PTPRN2: variants seen among roughly 807,000 people sequenced by gnomAD.
PTPRN2 encodes the protein receptor-type tyrosine-protein phosphatase N2.
A neutral mutation model predicts 118.8 loss-of-function variants in PTPRN2; 74 were observed. The observed-to-expected ratio is 0.62, with a 90% CI of 0.52 to 0.76. The LOEUF (loss-of-function observed/expected upper bound fraction) is 0.76. Among genes scored for constraint, PTPRN2 ranks in the 30% least tolerant of loss-of-function variants. PTPRN2 has a pLI of 0.00. For missense variants in PTPRN2, 1,481 were observed against 1,394.4 expected (o/e 1.06, Z -0.99); for synonymous variants, 641 against 608.0 (o/e 1.05, Z -0.80).
intron 17 of PTPRN2, among the ~76,000 whole-genome samples, chr7:157,579,244 A>C (rs536801627): frequency 3.3e-5 from 5 of 152,230 alleles, no homozygotes; most frequent in Non-Finnish European, 7.3e-5. Context: ...ACTGTGTAAC[A>C]TTTACATCGG....
At chr7:158,284,116 C>G (rs1799613932) in intron 3 of PTPRN2, among the ~76,000 whole-genome samples, 2 of 152,262 alleles carry the variant, frequency 1.3e-5, no homozygotes. Flanking sequence ...CGCGTTTACA[C>G]ACACACTTGT....
At chr7:157,957,110 G>T (rs1390584795) in intron 11 of PTPRN2, among the ~76,000 whole-genome samples, 2 of 152,202 alleles carry the variant, frequency 1.3e-5, no homozygotes, top group Non-Finnish European at 2.9e-5. Context: ...AGGTTCAGAA[G>T]GGTTAATAAA....
intron 2 of PTPRN2, among the ~76,000 whole-genome samples, chr7:158,437,277 A>T (rs1166559639): frequency 6.6e-6 from 1 of 152,190 alleles, no homozygotes; most frequent in Non-Finnish European, 1.5e-5. Flanking sequence ...TAGAATTTCC[A>T]TTTGATTACT....
At chr7:158,189,215 T>C (rs1029541256) in intron 5 of PTPRN2, among the ~76,000 whole-genome samples, 4 of 152,258 alleles carry the variant, frequency 2.6e-5, no homozygotes, top group African/African-American at 7.2e-5. Context: ...GTCTGGCTGC[T>C]GAGGGCAGGG....
intron 2 of PTPRN2, among the ~76,000 whole-genome samples, chr7:158,384,078 C>T (rs769116077): frequency 6.6e-6 from 1 of 152,162 alleles, no homozygotes; most frequent in Non-Finnish European, 1.5e-5. Context: ...TGTCTCATCG[C>T]TGGTCATCCA....
At chr7:157,559,345 C>G (rs931254205) in intron 21 of PTPRN2, among the ~76,000 whole-genome samples, 2 of 152,162 alleles carry the variant, frequency 1.3e-5, no homozygotes, top group Non-Finnish European at 2.9e-5. Flanking sequence ...CTGGGAGGTG[C>G]CTCCAGGACA....
intron 9 of PTPRN2, among the ~76,000 whole-genome samples, chr7:158,127,668 C>T (rs1817810018): frequency 1.3e-5 from 2 of 152,176 alleles, no homozygotes; most frequent in African/African-American, 4.8e-5. Flanking sequence ...CAGAATACAT[C>T]CCAATCCAGT....
In PTPRN2 at chr7:158,509,948, C is replaced by T. The variant is rs564555748; in HGVS notation, c.113-20163G>A. Among the ~76,000 whole-genome samples, 4 of 152,218 alleles carry T rather than the reference C, an allele frequency of 2.6e-5. No homozygotes were observed. Among genetic ancestry groups the T allele is most frequent in the South Asian group, 2.1e-4 (1 of 4,816 alleles). Reference sequence around the variant, plus strand: ...TTGAGGCCAGGCTATGAGGGGAGCACGAAGATAGAGGACGAGACACAAGTC... The same window carrying T: ...TTGAGGCCAGGCTATGAGGGGAGCATGAAGATAGAGGACGAGACACAAGTC... On this transcript the variant is annotated intron_variant, in intron 1 of 22. Coordinates refer to ENST00000389418, the MANE Select transcript of PTPRN2 (RefSeq NM_002847.5). This position sits in a 1 kb window ranked among gnomAD's most constrained non-coding sequence, Gnocchi z 4.4.
In PTPRN2 at chr7:157,964,096, G is replaced by A. The variant is rs969644026; in HGVS notation, c.1724-65359C>T. ...TCTTCATCTGTAAGAGGCTGTTGAGGGCACGACCACCTCGCAGTGACCTCC... is the reference window on the plus strand; with the variant it reads ...TCTTCATCTGTAAGAGGCTGTTGAGAGCACGACCACCTCGCAGTGACCTCC... On this transcript the variant is annotated intron_variant, in intron 11 of 22. Transcript: ENST00000389418. The surrounding 1 kb of genome is among the most constrained non-coding windows in gnomAD (Gnocchi z 9.0). Among the ~76,000 whole-genome samples the A allele has an allele frequency of 1.3e-5, 2 of 152,074 alleles. No individual in the cohort carries two copies. Among genetic ancestry groups the A allele is most frequent in the African/African-American group, 4.8e-5 (2 of 41,400 alleles).
At chr7:158,557,571 G>T (rs1310694466) in intron 1 of PTPRN2, among the ~76,000 whole-genome samples, 1 of 152,230 alleles carries the variant, frequency 6.6e-6, no homozygotes, top group East Asian at 1.9e-4. Context: ...GGCTGTGCTC[G>T]GGTGTGTTTC....
intron 11 of PTPRN2, among the ~76,000 whole-genome samples, chr7:157,899,484 C>T (rs901814514): frequency 7.2e-5 from 11 of 152,172 alleles, no homozygotes; most frequent in African/African-American, 2.4e-4. Flanking sequence ...TGGAAATATG[C>T]GTTTGCATAA....
intron 2 of PTPRN2, among the ~76,000 whole-genome samples, chr7:158,397,373 C>A (rs10226959): frequency 6.6e-6 from 1 of 152,120 alleles, no homozygotes; most frequent in Non-Finnish European, 1.5e-5. Flanking sequence ...GCCCTCCCAG[C>A]GGCAGGACCC....
intron 14 of PTPRN2, among the ~76,000 whole-genome samples, chr7:157,630,891 G>A (rs1314227188): frequency 2.0e-5 from 3 of 152,174 alleles, no homozygotes; most frequent in Non-Finnish European, 4.4e-5. Flanking sequence ...ATTCCCACAC[G>A]TATCTGCAGT....
At chr7:158,324,687 G>A (rs1803339007) in intron 2 of PTPRN2, among the ~76,000 whole-genome samples, 1 of 112,810 alleles carries the variant, frequency 8.9e-6, no homozygotes, top group South Asian at 3.4e-4. Context: ...GTTCTTCAGA[G>A]TAAGGGTGGG....
rs919833030 is a variant in PTPRN2 at position 157,808,471 on chromosome 7, G to C, written c.1788+90202C>G. ...TTCTCATAGGAGCTTGAGCCCTGTT[G>C]TGAACTGTGCATGTGAGGGATCCAG... On this transcript the variant is annotated intron_variant, in intron 12 of 22. Transcript: ENST00000389418. This position sits in a 1 kb window ranked among gnomAD's most constrained non-coding sequence, Gnocchi z 5.0. Among the ~76,000 whole-genome samples the C allele has an allele frequency of 6.6e-6, 1 of 152,240 alleles. No individual in the cohort carries two copies. The highest frequency in any genetic ancestry group is 2.4e-5 in the African/African-American group (1 of 41,532).
At chr7:157,817,491 C>T (rs532792683) in intron 12 of PTPRN2, among the ~76,000 whole-genome samples, 17 of 152,300 alleles carry the variant, frequency 1.1e-4, no homozygotes, top group Admixed American at 2.6e-4. Flanking sequence ...CACCCCAGAG[C>T]CACCATCACG....
At chr7:157,572,329 A>G (rs907798167) in intron 19 of PTPRN2, among the ~76,000 whole-genome samples, 1 of 152,228 alleles carries the variant, frequency 6.6e-6, no homozygotes, top group Non-Finnish European at 1.5e-5. Flanking sequence ...TGTGAAGGAG[A>G]GTGTTCTACA....
At chr7:158,132,993 G>C (rs1413583251) in intron 9 of PTPRN2, among the ~76,000 whole-genome samples, 2 of 152,222 alleles carry the variant, frequency 1.3e-5, no homozygotes, top group African/African-American at 4.8e-5. Context: ...AGCATCAAAT[G>C]TCAGATTCAT....
intron 2 of PTPRN2, among the ~76,000 whole-genome samples, chr7:158,341,001 G>C (rs867924690): frequency 9.0e-4 from 48 of 53,388 alleles, no homozygotes; most frequent in African/African-American, 1.2e-3. Context: ...ACCATAAGAG[G>C]TGAAACCTGC....
Sources: gnomAD v4.1 joint callset for allele counts (sites outside exome capture counted in the v4.1 genomes callset) on GRCh38, gnomAD v4.1.1 for gene constraint, Gnocchi (gnomAD v3.1) non-coding constraint, MANE v1.5 for transcripts, NCBI Gene and HGNC (gene_info 2026-07-23, HGNC 2026-07-21) for gene names.